The following SPIN1 variants were observed in gnomAD, a reference collection of about 807,000 sequenced individuals.
SPIN1 encodes spindlin 1.
A neutral mutation model predicts 26.0 loss-of-function variants in SPIN1; 3 were observed. The observed-to-expected ratio is 0.12, with a 90% CI of 0.05 to 0.30. The LOEUF (loss-of-function observed/expected upper bound fraction) is 0.30. SPIN1 is among the 10% of genes least tolerant of loss of function. SPIN1 has a pLI of 1.00. For missense variants in SPIN1, 126 were observed against 333.4 expected, an observed-to-expected ratio of 0.38 and a Z score of 4.84; for synonymous variants, 101 against 116.5, an observed-to-expected ratio of 0.87 and a Z score of 0.86.
intron 5 of SPIN1, among the ~76,000 whole-genome samples, chr9:88,470,816 ACTC>A (rs1828769179): frequency 6.6e-6 from 1 of 150,594 alleles, no homozygotes. Context: ...CTCCTCTTGA[ACTC>A]CTGACCTCAA....
At chr9:88,423,766 T>C (rs1272561201) in intron 1 of SPIN1, among the ~76,000 whole-genome samples, 1 of 150,494 alleles carries the variant, frequency 6.6e-6, no homozygotes, top group Non-Finnish European at 1.5e-5. Context: ...TGATCTTCTT[T>C]ATTTATTGTA....
intron 2 of SPIN1, among the ~76,000 whole-genome samples, chr9:88,435,204 ATTC>A (rs1827976231): frequency 6.6e-6 from 1 of 150,562 alleles, no homozygotes; most frequent in South Asian, 2.1e-4. Context: ...ATTATTTTGC[ATTC>A]TTTTTTTTTT....
chr9:88,450,611 G>T (rs150919741), intron 3 of SPIN1, among the ~76,000 whole-genome samples: 4 of 152,220 alleles, frequency 2.6e-5, no homozygotes, highest in African/African-American at 7.2e-5. Context: ...CGTATACATA[G>T]TAACTGAAAA....
intron 1 of SPIN1, among the ~76,000 whole-genome samples, chr9:88,414,115 C>T (rs1450519996): frequency 2.6e-5 from 4 of 152,006 alleles, no homozygotes; most frequent in Non-Finnish European, 5.9e-5. Flanking sequence ...ATGAAGTGTT[C>T]ATGCCCTCCT....
chr9:88,402,709 T>C (rs1243486683), intron 1 of SPIN1, among the ~76,000 whole-genome samples: 3 of 152,198 alleles, frequency 2.0e-5, no homozygotes, highest in Admixed American at 6.5e-5. Flanking sequence ...TCTCTGCTCA[T>C]TGATGGATAC....
intron 1 of SPIN1, among the ~76,000 whole-genome samples, chr9:88,392,451 T>C (rs781351974): frequency 6.6e-6 from 1 of 152,100 alleles, no homozygotes; most frequent in African/African-American, 2.4e-5. Flanking sequence ...TTCCATAGAT[T>C]ATCAGAATGG....
chr9:88,398,403 G>T (rs534419366), intron 1 of SPIN1, among the ~76,000 whole-genome samples: 1 of 151,932 alleles, frequency 6.6e-6, no homozygotes, highest in Admixed American at 6.6e-5. Context: ...TCCTGTTTTT[G>T]CCTGTAATTA....
chr9:88,458,901 T>A (rs915090773), intron 3 of SPIN1, among the ~76,000 whole-genome samples: 1 of 152,140 alleles, frequency 6.6e-6, no homozygotes, highest in African/African-American at 2.4e-5. Flanking sequence ...ATGAGGGCAG[T>A]CTGCTGTGCT....
chr9:88,470,205 C>T (rs1442992124), intron 5 of SPIN1, among the ~76,000 whole-genome samples: 1 of 152,178 alleles, frequency 6.6e-6, no homozygotes, highest in Non-Finnish European at 1.5e-5. Flanking sequence ...TTTTGATTAG[C>T]CATTCATCCA....
At chr9:88,405,966 G>T (rs1827296285) in intron 1 of SPIN1, among the ~76,000 whole-genome samples, 1 of 151,740 alleles carries the variant, frequency 6.6e-6, no homozygotes, top group South Asian at 2.1e-4. Flanking sequence ...CCTAGTAATT[G>T]TGACTACAGG....
At chr9:88,399,163 C>T (rs7851709) in intron 1 of SPIN1, among the ~76,000 whole-genome samples, 29,048 of 151,874 alleles carry the variant, frequency 0.19, 3,671 homozygotes, top group African/African-American at 0.36. Flanking sequence ...TCCCGAGTAG[C>T]TGGGACTACA....
intron 1 of SPIN1, among the ~76,000 whole-genome samples, chr9:88,396,703 C>G (rs981635522): frequency 2.6e-5 from 4 of 152,036 alleles, no homozygotes; most frequent in Non-Finnish European, 5.9e-5. Context: ...GTACATATAG[C>G]TTTACATCCC....
chr9:88,427,756 C>G lies in SPIN1; in HGVS notation c.52+1165C>G, dbSNP rs1459942450. 2.0e-5 allele frequency among the ~76,000 whole-genome samples: 3 copies of G among 152,230 alleles called. No homozygotes were observed. In the East Asian group the frequency reaches 5.8e-4, roughly 29 times the overall value. On this transcript the variant is annotated intron_variant, in intron 2 of 5. Transcript: ENST00000375859. ...GGATTACAGGCATGAGCCACCCTGC[C>G]CGGCCAGTTTTTTTGTATTTTTAGT...
chr9:88,456,029 G>A (rs1185494110), intron 3 of SPIN1, among the ~76,000 whole-genome samples: 1 of 151,980 alleles, frequency 6.6e-6, no homozygotes, highest in East Asian at 1.9e-4. Flanking sequence ...AAATTAATGG[G>A]GCCTATTGTT....
intron 1 of SPIN1, among the ~76,000 whole-genome samples, chr9:88,414,183 A>C (rs973975188): frequency 6.6e-6 from 1 of 152,138 alleles, no homozygotes; most frequent in African/African-American, 2.4e-5. Context: ...CAGAGTTTTT[A>C]TTGGTGCTTA....
At chr9:88,414,543 C>A (rs957323255) in intron 1 of SPIN1, among the ~76,000 whole-genome samples, 1 of 152,326 alleles carries the variant, frequency 6.6e-6, no homozygotes, top group East Asian at 1.9e-4. Flanking sequence ...AGTGATATCA[C>A]GTGGCTGACC....
intron 2 of SPIN1, among the ~76,000 whole-genome samples, chr9:88,435,212 TTTTTTTC>T (rs1310012037): frequency 1.3e-5 from 2 of 151,984 alleles, no homozygotes; most frequent in East Asian, 1.9e-4. Flanking sequence ...GCATTCTTTT[TTTTTTTC>T]TTTTTTCTTT....
chr9:88,411,277 A>T, intron 1 of SPIN1: 2 of 1,195,862 alleles, frequency 1.7e-6, no homozygotes. Context: ...CCACAGTGGC[A>T]TATGTGACAA....
chr9:88,475,026 T>C, intron 5 of SPIN1, 52 bp from the exon 6 acceptor site: 2 of 1,425,228 alleles, frequency 1.4e-6, no homozygotes, highest in East Asian at 5.1e-5. Flanking sequence ...AAAAATTGAC[T>C]TAGAAATTTT....
Sources: allele counts gnomAD v4.1 joint callset (sites outside exome capture counted in the v4.1 genomes callset), GRCh38; gene constraint gnomAD v4.1.1; transcripts MANE v1.5; gene names NCBI Gene and HGNC (gene_info 2026-07-23, HGNC 2026-07-21).